Variants in CD244 observed in about 807,000 individuals in gnomAD.
CD244 encodes CD244 molecule.
In CD244, 20 loss-of-function variants were observed where a neutral mutation model predicts 45.5. That is an observed-to-expected ratio of 0.44 (90% CI 0.31 to 0.64). CD244 has a LOEUF of 0.64. CD244 is among the 30% of genes least tolerant of loss of function. The pLI is 0.08. For synonymous variants in CD244, 185 were observed against 160.5 expected, an observed-to-expected ratio of 1.15 and a Z score of -1.15; for missense variants, 407 against 426.9, an observed-to-expected ratio of 0.95 and a Z score of 0.41.
intron 5 of CD244, among the ~76,000 whole-genome samples, chr1:160,837,338 C>A (rs149905995): frequency 1.6e-3 from 246 of 152,326 alleles, no homozygotes; most frequent in African/African-American, 5.5e-3. Context: ...CCGGGCATCA[C>A]TGGCTGTGGG....
intron 1 of CD244, among the ~76,000 whole-genome samples, chr1:160,842,922 G>A (rs1571100804): frequency 6.6e-6 from 1 of 152,276 alleles, no homozygotes; most frequent in South Asian, 2.1e-4. Flanking sequence ...TGGCCCAGCA[G>A]GTGCAGGAAA....
In CD244 at chr1:160,841,381, A is replaced by T; in HGVS notation, c.484T>A (p.Tyr162Asn). Residue 162 changes from tyrosine (Y) to asparagine (N), a missense_variant, in exon 3 of 9, where the codon TAT becomes AAT. Tyr to Asn is a moderately radical substitution (Grantham distance 143). Coordinates refer to ENST00000368034, the MANE Select transcript of CD244 (RefSeq NM_016382.4). ...CLVSRDGNVS[Y>N]AWYRGSKLIQ... ...AGCTTGCTCCCTCTGTACCAAGCAT[A>T]GGACACATTGCCATCCCTGGAGACC... 1.2e-6 allele frequency: 2 copies of T among 1,614,194 alleles called. No individual in the cohort carries two copies. The highest frequency in any genetic ancestry group is 1.7e-6 in the Non-Finnish European group (2 of 1,180,030).
chr1:160,846,104 T>C (rs1047407729), intron 1 of CD244, among the ~76,000 whole-genome samples: 1 of 152,050 alleles, frequency 6.6e-6, no homozygotes, highest in African/African-American at 2.4e-5. Flanking sequence ...GGTGTTTGGT[T>C]ACAAGAGAAA....
chr1:160,849,183 T>G (rs139169119), intron 1 of CD244, among the ~76,000 whole-genome samples: 161 of 152,286 alleles, frequency 1.1e-3, no homozygotes, highest in Non-Finnish European at 1.9e-3. Context: ...AAGTCTTCTA[T>G]GTTGATGATT....
chr1:160,855,225 G>A (rs754262816), intron 1 of CD244, among the ~76,000 whole-genome samples: 2 of 152,182 alleles, frequency 1.3e-5, no homozygotes, highest in Non-Finnish European at 2.9e-5. Flanking sequence ...GATGACGAAG[G>A]TGTGGAATTC....
intron 6 of CD244, among the ~76,000 whole-genome samples, chr1:160,835,272 G>A (rs373327890): frequency 1.3e-5 from 2 of 152,124 alleles, no homozygotes; most frequent in East Asian, 1.9e-4. Context: ...GAATATAAGA[G>A]GTGGAGTATG....
At chr1:160,832,885 TATAC>T (rs1669180642) in intron 7 of CD244, among the ~76,000 whole-genome samples, 1 of 148,888 alleles carries the variant, frequency 6.7e-6, no homozygotes, top group East Asian at 2.0e-4. Flanking sequence ...TATATATATA[TATAC>T]ACACACACAT....
chr1:160,838,693 C>T (rs933508065), intron 4 of CD244, 175 bp from the exon 5 acceptor site: 16 of 625,460 alleles, frequency 2.6e-5, no homozygotes, highest in Non-Finnish European at 3.7e-5. Flanking sequence ...AACCGAACTG[C>T]CCCTCCCACA....
At chr1:160,843,118 C>A (rs1291213800) in intron 1 of CD244, among the ~76,000 whole-genome samples, 2 of 152,186 alleles carry the variant, frequency 1.3e-5, no homozygotes, top group Non-Finnish European at 2.9e-5. Context: ...CACAGCTTCA[C>A]CCTGGCATTT....
At position 160,838,489 on chromosome 1, in the gene CD244, A is replaced by T. The variant is rs1669411141; in HGVS notation, c.796T>A (p.Tyr266Asn). 1 of 1,613,586 alleles carries T rather than the reference A, an allele frequency of 6.2e-7. No individual in the cohort carries two copies. Among genetic ancestry groups the T allele is most frequent in the South Asian group, 1.1e-5 (1 of 91,068 alleles). Residue 266 changes from tyrosine to asparagine, a missense_variant, in exon 5 of 9, where the codon TAC (tyrosine) becomes AAC (asparagine). Coordinates refer to ENST00000368034, the MANE Select transcript of CD244 (RefSeq NM_016382.4). ...GTTTTCAGATCCTTGACATCTTCGTAAATTGTCAAAAATTCCTTGGGACTG... is the reference window on the plus strand; with the variant it reads ...GTTTTCAGATCCTTGACATCTTCGTTAATTGTCAAAAATTCCTTGGGACTG... ...ETSPKEFLTI[Y>N]EDVKDLKTRR... is the part of the protein sequence containing the mutation.
At chr1:160,835,971 G>A (rs902727592) in intron 6 of CD244, among the ~76,000 whole-genome samples, 3 of 152,156 alleles carry the variant, frequency 2.0e-5, no homozygotes, top group African/African-American at 4.8e-5. Flanking sequence ...TGCCAGACAC[G>A]GAAGAAGAAG....
chr1:160,852,072 G>C (rs1331593734), intron 1 of CD244, among the ~76,000 whole-genome samples: 1 of 152,126 alleles, frequency 6.6e-6, no homozygotes, highest in Non-Finnish European at 1.5e-5. Context: ...ATAGACTGAT[G>C]ACAATAATAG....
At chr1:160,840,658 T>C (rs1035742473) in intron 3 of CD244, among the ~76,000 whole-genome samples, 11 of 152,266 alleles carry the variant, frequency 7.2e-5, no homozygotes, top group African/African-American at 2.2e-4. Context: ...TTTTTTTTCC[T>C]ATAATGCCCA....
At chr1:160,857,104 C>G (rs1051016613) in intron 1 of CD244, among the ~76,000 whole-genome samples, 8 of 152,230 alleles carry the variant, frequency 5.3e-5, no homozygotes, top group Non-Finnish European at 5.9e-5. Flanking sequence ...AATCACAGAG[C>G]TGTAATTCCC....
rs1669812727 is a variant in CD244, at chr1:160,848,516, CAA to C, written c.62-6617_62-6616del. 3.5e-5 allele frequency: 16 copies of C among 459,304 alleles called. No individual in the cohort carries two copies. In the East Asian group the frequency reaches 8.5e-4, roughly 24 times the overall value. 28.5% of individuals were successfully genotyped at this position (459,304 alleles called of 1,614,324 possible). On this transcript the variant is annotated intron_variant, in intron 1 of 8. Coordinates refer to ENST00000368034, the MANE Select transcript of CD244 (RefSeq NM_016382.4). ...TAGACAACTCTAATCTGATATAAAT[CAA>C]AAGACCCTCATTTCAGAGAAGTTCC...
intron 3 of CD244, among the ~76,000 whole-genome samples, chr1:160,840,794 A>C (rs1397748268): frequency 6.6e-6 from 1 of 152,158 alleles, no homozygotes; most frequent in Non-Finnish European, 1.5e-5. Flanking sequence ...GGTCATCCTG[A>C]TGCTCCTGCT....
At position 160,831,245 on chromosome 1, in the gene CD244, C is replaced by T. The variant is rs867526013; in HGVS notation, c.*102G>A. On this transcript the variant is annotated 3_prime_UTR_variant, in exon 9 of 9. Transcript: ENST00000368034. ...CAAGAACAAATTTCCATATCCTCTC[C>T]AGACTAGGAACTGTTCTATAGAGAC... is the stretch of plus-strand genomic sequence containing the variant. 1 of 797,404 alleles carries T rather than the reference C, an allele frequency of 1.3e-6. No homozygotes were observed. The highest frequency in any genetic ancestry group is 2.1e-6 in the Non-Finnish European group (1 of 470,198). The allele number at this position is 797,404 out of a possible 1,614,324, so 49.4% of individuals were successfully genotyped here. A position where few individuals can be genotyped will look rare whatever the true frequency, so the allele number is the denominator to read the frequency against.
At chr1:160,861,968 G>A (rs1478173476) in intron 1 of CD244, among the ~76,000 whole-genome samples, 3 of 152,184 alleles carry the variant, frequency 2.0e-5, no homozygotes, top group African/African-American at 7.2e-5. Context: ...CCCTCAGCTG[G>A]GATCCCCAGG....
intron 1 of CD244, among the ~76,000 whole-genome samples, chr1:160,844,999 A>C (rs1388668981): frequency 2.0e-5 from 3 of 152,094 alleles, no homozygotes; most frequent in Non-Finnish European, 4.4e-5. Context: ...AAAATAAATA[A>C]ATGAATCAGC....
Sources: allele counts gnomAD v4.1 joint callset (sites outside exome capture counted in the v4.1 genomes callset), GRCh38; gene constraint gnomAD v4.1.1; transcripts MANE v1.5; gene names NCBI Gene and HGNC (gene_info 2026-07-23, HGNC 2026-07-21).